The following TMEM150C variants were observed in gnomAD, a reference collection of about 807,000 sequenced individuals.
TMEM150C encodes transmembrane protein 150C.
A neutral mutation model predicts 29.9 loss-of-function variants in TMEM150C; 10 were observed. The observed-to-expected ratio is 0.33, with a 90% CI of 0.21 to 0.57. TMEM150C has a LOEUF of 0.57. Ranked by LOEUF, TMEM150C falls within the 20% of genes least tolerant of loss-of-function variation. The pLI is 0.88. For missense variants in TMEM150C, 251 were observed against 303.6 expected, an observed-to-expected ratio of 0.83 and a Z score of 1.29; for synonymous variants, 101 against 112.5, an observed-to-expected ratio of 0.90 and a Z score of 0.64.
chr4:82,551,896 T>A (rs1350846148), intron 1 of TMEM150C, among the ~76,000 whole-genome samples: 1 of 152,198 alleles, frequency 6.6e-6, no homozygotes, highest in Non-Finnish European at 1.5e-5. Flanking sequence ...TATGTTGAAA[T>A]TTGATACCCA....
At chr4:82,520,712 A>G (rs140430838) in intron 1 of TMEM150C, among the ~76,000 whole-genome samples, 135 of 152,228 alleles carry the variant, frequency 8.9e-4, no homozygotes, top group African/African-American at 3.0e-3. Context: ...GCAAGCCTCC[A>G]TGTGTACAAA....
intron 1 of TMEM150C, among the ~76,000 whole-genome samples, chr4:82,520,919 T>G (rs780236243): frequency 2.0e-5 from 3 of 152,122 alleles, no homozygotes; most frequent in South Asian, 2.1e-4. Context: ...GCTAAGCCCC[T>G]ACCTCAGAGC....
chr4:82,501,544 A>G (rs1357359002), intron 5 of TMEM150C, among the ~76,000 whole-genome samples: 2 of 152,276 alleles, frequency 1.3e-5, no homozygotes, highest in South Asian at 2.1e-4. Flanking sequence ...GGTTAGCTCC[A>G]GGGAAGAATC....
intron 1 of TMEM150C, among the ~76,000 whole-genome samples, chr4:82,507,119 G>A (rs138593701): frequency 7.2e-4 from 109 of 152,278 alleles, no homozygotes; most frequent in African/African-American, 2.6e-3. Flanking sequence ...AGGACAGAGT[G>A]GCAGTACCTT....
At chr4:82,561,660 A>C (rs1414251445) in intron 1 of TMEM150C, among the ~76,000 whole-genome samples, 2 of 145,920 alleles carry the variant, frequency 1.4e-5, no homozygotes, top group Non-Finnish European at 3.0e-5. Flanking sequence ...CAGAGCCGGC[A>C]CCGACTCCTG....
chr4:82,527,017 G>GTTTT (rs1402427675), intron 1 of TMEM150C, among the ~76,000 whole-genome samples: 1 of 134,158 alleles, frequency 7.5e-6, no homozygotes, highest in Non-Finnish European at 1.6e-5. Flanking sequence ...ATCATACTGG[G>GTTTT]TCTTTTTTTT....
intron 1 of TMEM150C, among the ~76,000 whole-genome samples, chr4:82,559,546 C>G (rs767878203): frequency 5.9e-5 from 9 of 152,126 alleles, no homozygotes; most frequent in Non-Finnish European, 8.8e-5. Flanking sequence ...GAGAGTGAGA[C>G]TCCGCCTCAA....
chr4:82,514,393 C>T (rs111739922), intron 1 of TMEM150C, among the ~76,000 whole-genome samples: 3 of 152,308 alleles, frequency 2.0e-5, no homozygotes, highest in Admixed American at 6.5e-5. Flanking sequence ...GATAACTTGC[C>T]TTTTAGCTCA....
At chr4:82,495,265 A>G (rs1362037269) in intron 6 of TMEM150C, 2 of 231,638 alleles carry the variant, frequency 8.6e-6, no homozygotes, top group African/African-American at 4.7e-5. Context: ...ACAAGGTGAA[A>G]CTCCGTCTCT....
intron 1 of TMEM150C, among the ~76,000 whole-genome samples, chr4:82,525,790 G>A (rs1724632889): frequency 1.3e-5 from 2 of 152,044 alleles, no homozygotes; most frequent in South Asian, 4.1e-4. Flanking sequence ...GGTGGCTGTG[G>A]TTTGCTCCCT....
chr4:82,527,892 C>T (rs1724706576), intron 1 of TMEM150C, among the ~76,000 whole-genome samples: 1 of 152,122 alleles, frequency 6.6e-6, no homozygotes, highest in African/African-American at 2.4e-5. Flanking sequence ...AGGTCTCATT[C>T]TGGTAATTTA....
At chr4:82,558,975 C>T (rs914471127) in intron 1 of TMEM150C, among the ~76,000 whole-genome samples, 1 of 152,042 alleles carries the variant, frequency 6.6e-6, no homozygotes, top group Non-Finnish European at 1.5e-5. Flanking sequence ...TTTGTAATCT[C>T]CCCCACCCTT....
chr4:82,537,554 T>C (rs1725052492), intron 1 of TMEM150C, among the ~76,000 whole-genome samples: 1 of 152,198 alleles, frequency 6.6e-6, no homozygotes, highest in African/African-American at 2.4e-5. Context: ...CGTACTGGAC[T>C]GAATTGTGTC....
Position 82,490,099 on chromosome 4 carries a change from AC to A in TMEM150C, c.502del (p.Val168LeufsTer65). ...NEGRRVGIPR[V>X]ILSASITLCV... The stretch of plus-strand genomic sequence containing the variant: ...GAGAGTGATAGATGCCGACAGAATA[AC>A]CCGTGGAATTCCAACTCTCCGTCCT... On this transcript the variant is annotated frameshift_variant, in exon 7 of 8. Transcript: ENST00000449862. LOFTEE classifies it high-confidence loss of function. The A allele has an allele frequency of 1.2e-6, 2 of 1,613,968 alleles. No homozygotes were observed. Among genetic ancestry groups the A allele is most frequent in the Non-Finnish European group, 1.7e-6 (2 of 1,179,874 alleles).
intron 2 of TMEM150C, among the ~76,000 whole-genome samples, chr4:82,503,572 C>T (rs751781897): frequency 2.0e-5 from 3 of 152,236 alleles, no homozygotes; most frequent in Non-Finnish European, 4.4e-5. Context: ...CATATCAGGC[C>T]GGGCGCAGTG....
At chr4:82,518,114 G>A (rs1264695140) in intron 1 of TMEM150C, among the ~76,000 whole-genome samples, 2 of 152,150 alleles carry the variant, frequency 1.3e-5, no homozygotes, top group Admixed American at 6.5e-5. Context: ...TCAGGAGTTC[G>A]AGACCAGCCT....
At chr4:82,501,189 G>A (rs189808362) in intron 5 of TMEM150C, among the ~76,000 whole-genome samples, 4 of 152,230 alleles carry the variant, frequency 2.6e-5, no homozygotes, top group Non-Finnish European at 5.9e-5. Flanking sequence ...GAAGAATGGT[G>A]TCAAGAGTAG....
intron 1 of TMEM150C, among the ~76,000 whole-genome samples, chr4:82,524,906 C>T (rs1371974962): frequency 6.6e-6 from 1 of 152,050 alleles, no homozygotes; most frequent in Non-Finnish European, 1.5e-5. Flanking sequence ...GGTAAGGGAC[C>T]GCTCAAACAA....
intron 6 of TMEM150C, among the ~76,000 whole-genome samples, chr4:82,494,350 G>T (rs1723467548): frequency 1.3e-5 from 2 of 152,192 alleles, no homozygotes; most frequent in African/African-American, 4.8e-5. Context: ...TATGCTTAAA[G>T]GTTGTGACCT....
Sources: gnomAD v4.1 joint callset for allele counts (sites outside exome capture counted in the v4.1 genomes callset) on GRCh38, gnomAD v4.1.1 for gene constraint, MANE v1.5 for transcripts, NCBI Gene and HGNC (gene_info 2026-07-23, HGNC 2026-07-21) for gene names.